Variants in GLRA3 observed in about 807,000 individuals in gnomAD.
GLRA3 encodes glycine receptor subunit alpha-3.
In GLRA3, 44 loss-of-function variants were observed where a neutral mutation model predicts 60.4. That is an observed-to-expected ratio of 0.73 (90% CI 0.57 to 0.94). GLRA3 has a LOEUF of 0.94. GLRA3 is among the 40% of genes least tolerant of loss of function. The probability of loss-of-function intolerance (pLI) is 0.00; values close to 1 mark genes in which losing one functional copy is unlikely to be tolerated. For synonymous variants in GLRA3, 223 were observed against 192.9 expected (o/e 1.16, Z -1.29); for missense variants, 508 against 564.6 (o/e 0.90, Z 1.02).
intron 3 of GLRA3, among the ~76,000 whole-genome samples, chr4:174,743,944 T>C (rs1737126651): frequency 7.0e-6 from 1 of 143,210 alleles, no homozygotes; most frequent in African/African-American, 2.7e-5. Context: ...CTGCAGCTGT[T>C]GCTGCTGCCA....
intron 1 of GLRA3, among the ~76,000 whole-genome samples, chr4:174,797,695 G>T (rs549867634): frequency 1.3e-5 from 2 of 152,178 alleles, no homozygotes; most frequent in South Asian, 4.2e-4. Context: ...AGCACCGGGC[G>T]GCCAAGGTGG....
At chr4:174,746,117 C>T (rs6553816) in intron 3 of GLRA3, among the ~76,000 whole-genome samples, 144,038 of 152,228 alleles carry the variant, frequency 0.95, 68,615 homozygotes, top group East Asian at 1. Flanking sequence ...AGAACTACCA[C>T]ACAATCCAGC....
rs1410590856 is a variant in GLRA3, at chr4:174,790,437, T to C, written c.72-1494A>G. Among the ~76,000 whole-genome samples, 6 of 152,170 alleles carry C rather than the reference T, an allele frequency of 3.9e-5. No homozygotes were observed. The East Asian group carries it at 9.6e-4, about 24-fold the overall frequency. The stretch of plus-strand genomic sequence containing the variant: ...GACTCTAGAGCTTTATTCTACCATC[T>C]GGTTTTAAGTAACTTTTTCCTCTCC... On this transcript the variant is annotated intron_variant, in intron 1 of 9. Coordinates refer to ENST00000274093, the MANE Select transcript of GLRA3 (RefSeq NM_006529.4).
intron 9 of GLRA3, among the ~76,000 whole-genome samples, chr4:174,651,872 G>C (rs1048595579): frequency 1.3e-5 from 2 of 152,030 alleles, no homozygotes; most frequent in African/African-American, 4.8e-5. Flanking sequence ...GATGAGGCAT[G>C]TGGAGTCATA....
chr4:174,667,064 T>C (rs1196773847), intron 7 of GLRA3, among the ~76,000 whole-genome samples: 1 of 152,080 alleles, frequency 6.6e-6, no homozygotes, highest in Non-Finnish European at 1.5e-5. Flanking sequence ...AATGGTGTTG[T>C]CATTGCTATC....
chr4:174,796,475 T>C (rs1356749532), intron 1 of GLRA3, among the ~76,000 whole-genome samples: 1 of 152,164 alleles, frequency 6.6e-6, no homozygotes, highest in African/African-American at 2.4e-5. Context: ...AAAGAATTTA[T>C]TGTTGGCAAA....
intron 9 of GLRA3, among the ~76,000 whole-genome samples, chr4:174,654,593 C>G (rs537312214): frequency 1.3e-5 from 2 of 152,056 alleles, no homozygotes; most frequent in Non-Finnish European, 2.9e-5. Flanking sequence ...TGCAGCAAAC[C>G]ATTGCACTAT....
chr4:174,752,654 A>G (rs1343911145), intron 3 of GLRA3, among the ~76,000 whole-genome samples: 2 of 152,156 alleles, frequency 1.3e-5, no homozygotes, highest in African/African-American at 2.4e-5. Flanking sequence ...GCACTCCCAA[A>G]TGTCTTCCTT....
intron 5 of GLRA3, among the ~76,000 whole-genome samples, chr4:174,708,374 A>T (rs1056686225): frequency 6.6e-6 from 1 of 151,664 alleles, no homozygotes; most frequent in African/African-American, 2.4e-5. Flanking sequence ...CTATCCCAAA[A>T]CCCCATTAAA....
chr4:174,818,407 A>ATATGTACTTTG (rs1409684977), intron 1 of GLRA3, among the ~76,000 whole-genome samples: 2 of 152,140 alleles, frequency 1.3e-5, no homozygotes, highest in African/African-American at 4.8e-5. Flanking sequence ...ACAGGGAATG[A>ATATGTACTTTG]TATGTACTTT....
chr4:174,713,579 T>C (rs1735801411), intron 5 of GLRA3: 1 of 152,252 alleles, frequency 6.6e-6, no homozygotes, highest in Non-Finnish European at 1.5e-5. Flanking sequence ...CAATTGCTTT[T>C]TTCAAGTACC....
intron 5 of GLRA3, among the ~76,000 whole-genome samples, chr4:174,695,317 G>A (rs1394742550): frequency 1.3e-5 from 2 of 152,020 alleles, no homozygotes; most frequent in South Asian, 2.1e-4. Flanking sequence ...TATCCTTGAA[G>A]AACATCGGTG....
At chr4:174,802,242 G>C (rs1029784960) in intron 1 of GLRA3, among the ~76,000 whole-genome samples, 6 of 151,926 alleles carry the variant, frequency 3.9e-5, no homozygotes, top group African/African-American at 1.2e-4. Flanking sequence ...TTTTCCCATA[G>C]AGCTGATGTT....
chr4:174,715,823 C>T (rs918495858), intron 4 of GLRA3, among the ~76,000 whole-genome samples: 1 of 152,066 alleles, frequency 6.6e-6, no homozygotes, highest in Non-Finnish European at 1.5e-5. Context: ...ATTAAAAGTG[C>T]TGGCAAAACA....
intron 2 of GLRA3, among the ~76,000 whole-genome samples, chr4:174,774,192 G>A (rs1579584571): frequency 1.3e-5 from 2 of 152,282 alleles, no homozygotes; most frequent in East Asian, 3.9e-4. Context: ...GATTAAATAA[G>A]TAATTATATT....
At chr4:174,776,966 C>T (rs181910048) in intron 2 of GLRA3, among the ~76,000 whole-genome samples, 4 of 151,792 alleles carry the variant, frequency 2.6e-5, no homozygotes, top group Admixed American at 2.0e-4. Context: ...TAACTGAGGA[C>T]AAATCTGAAC....
intron 1 of GLRA3, among the ~76,000 whole-genome samples, chr4:174,795,690 T>C (rs1444978685): frequency 6.6e-6 from 1 of 152,202 alleles, no homozygotes; most frequent in East Asian, 1.9e-4. Flanking sequence ...GCAAAAATGA[T>C]TTTTGAGTTC....
intron 5 of GLRA3, among the ~76,000 whole-genome samples, chr4:174,714,055 T>G (rs1225919293): frequency 2.0e-5 from 3 of 152,194 alleles, no homozygotes. Flanking sequence ...AATCAGCCTC[T>G]CCTGTTTCTA....
Position 174,682,839 on chromosome 4 carries a change from T to C in GLRA3, c.675A>G (p.Glu225=). The change falls in exon 6 of 10, where the codon GAA becomes GAG. Residue 225 remains glutamate, a synonymous_variant. Coordinates refer to ENST00000274093, the MANE Select transcript of GLRA3 (RefSeq NM_006529.4). The part of the protein sequence containing the change: ...LTLPQFLLKE[E]KDLRYCTKHY... Reference sequence around the variant, plus strand: ...GTTTAGTGCAGTATCGTAAATCTTTTTCTTCTTTCAACAGAAACTGGGGCA... The same window carrying C: ...GTTTAGTGCAGTATCGTAAATCTTTCTCTTCTTTCAACAGAAACTGGGGCA... The C allele has an allele frequency of 6.2e-7, 1 of 1,613,346 alleles. No homozygotes were observed. The highest frequency in any genetic ancestry group is 1.1e-5 in the South Asian group (1 of 91,068).
Sources: gnomAD v4.1 joint callset for allele counts (sites outside exome capture counted in the v4.1 genomes callset) on GRCh38, gnomAD v4.1.1 for gene constraint, MANE v1.5 for transcripts, NCBI Gene and HGNC (gene_info 2026-07-23, HGNC 2026-07-21) for gene names.